RABGAP1: variants seen among roughly 807,000 people sequenced by gnomAD.
The protein encoded by RABGAP1 is rab GTPase-activating protein 1.
Under a neutral mutation model 137.6 loss-of-function variants are expected in RABGAP1, and 23 were observed. The observed-to-expected ratio is 0.17, with a 90% CI of 0.12 to 0.24. The LOEUF (loss-of-function observed/expected upper bound fraction) is 0.24. Among genes scored for constraint, RABGAP1 ranks in the 10% least tolerant of loss-of-function variants. The pLI is 1.00. For missense variants in RABGAP1, 906 were observed against 1,275.8 expected, an observed-to-expected ratio of 0.71 and a Z score of 4.42; for synonymous variants, 451 against 450.7, an observed-to-expected ratio of 1.00 and a Z score of -0.01.
chr9:122,998,082 A>T (rs943539075), intron 9 of RABGAP1, among the ~76,000 whole-genome samples: 3 of 151,484 alleles, frequency 2.0e-5, no homozygotes, highest in Non-Finnish European at 3.0e-5. Context: ...TTTTTGTTTT[A>T]TTTTTTTTAT....
At chr9:123,077,517 C>T (rs568694670) in intron 19 of RABGAP1, among the ~76,000 whole-genome samples, 1 of 152,206 alleles carries the variant, frequency 6.6e-6, no homozygotes, top group East Asian at 1.9e-4. Flanking sequence ...ATGAAGAAAA[C>T]TCAGTTTTAT....
intron 2 of RABGAP1, among the ~76,000 whole-genome samples, chr9:122,978,827 A>AT (rs1241208349): frequency 6.6e-6 from 1 of 152,086 alleles, no homozygotes; most frequent in Non-Finnish European, 1.5e-5. Context: ...GTCGCTCCTT[A>AT]TTCTTGCCAG....
At chr9:122,977,621 G>A (rs892921596) in intron 2 of RABGAP1, among the ~76,000 whole-genome samples, 2 of 152,096 alleles carry the variant, frequency 1.3e-5, no homozygotes, top group African/African-American at 2.4e-5. Flanking sequence ...CATGAGAATC[G>A]CTTGAACCCA....
chr9:123,048,376 AAAT>A (rs746292741), intron 13 of RABGAP1, among the ~76,000 whole-genome samples: 1 of 152,204 alleles, frequency 6.6e-6, no homozygotes, highest in Non-Finnish European at 1.5e-5. Flanking sequence ...ATTTTCTTGG[AAAT>A]AATCCATTGA....
chr9:122,999,625 T>C (rs1024338842), intron 10 of RABGAP1, among the ~76,000 whole-genome samples: 1 of 152,146 alleles, frequency 6.6e-6, no homozygotes, highest in Non-Finnish European at 1.5e-5. Context: ...TGTGACATGA[T>C]TAGGTACGGT....
chr9:122,941,725 T>C (rs1833580019), intron 1 of RABGAP1, among the ~76,000 whole-genome samples: 1 of 152,246 alleles, frequency 6.6e-6, no homozygotes, highest in African/African-American at 2.4e-5. Flanking sequence ...CTTTTGATTA[T>C]CCGCACCCTT....
intron 21 of RABGAP1, among the ~76,000 whole-genome samples, chr9:123,095,722 A>T (rs1007977348): frequency 2.6e-5 from 4 of 151,956 alleles, no homozygotes; most frequent in Non-Finnish European, 4.4e-5. Context: ...AAAAAAAAAA[A>T]TCAGAAATCT....
chr9:123,034,684 G>C (rs1181909315), intron 13 of RABGAP1: 1 of 1,612,804 alleles, frequency 6.2e-7, no homozygotes, highest in Admixed American at 1.7e-5. Context: ...CTTTCTAACT[G>C]TATTGATTAT....
At chr9:123,038,808 T>C (rs1009783325) in intron 13 of RABGAP1, among the ~76,000 whole-genome samples, 2 of 152,002 alleles carry the variant, frequency 1.3e-5, no homozygotes, top group African/African-American at 4.8e-5. Flanking sequence ...ACATTTCTTA[T>C]GGCTGTAAAC....
chr9:122,958,748 C>T (rs1046609379), intron 2 of RABGAP1, among the ~76,000 whole-genome samples: 12 of 152,062 alleles, frequency 7.9e-5, no homozygotes, highest in Non-Finnish European at 1.6e-4. Flanking sequence ...GTGGCTCACA[C>T]CTATAATCCC....
chr9:123,001,338 T>C (rs1837316599), intron 10 of RABGAP1, among the ~76,000 whole-genome samples: 2 of 152,250 alleles, frequency 1.3e-5, no homozygotes, highest in Admixed American at 6.5e-5. Flanking sequence ...TTGAATTGAT[T>C]TTATTTACAT....
intron 19 of RABGAP1, among the ~76,000 whole-genome samples, chr9:123,080,975 C>T (rs190684514): frequency 4.9e-4 from 74 of 152,236 alleles, no homozygotes; most frequent in Non-Finnish European, 7.8e-4. Flanking sequence ...ACCTCTGCCT[C>T]CTCCACTTCT....
chr9:122,979,361 A>G (rs545469774), intron 2 of RABGAP1, among the ~76,000 whole-genome samples: 6 of 152,252 alleles, frequency 3.9e-5, no homozygotes, highest in African/African-American at 1.4e-4. Flanking sequence ...AGAGTTCTCT[A>G]TATATTCTGG....
chr9:122,988,844 G>A (rs1384802564), intron 4 of RABGAP1, among the ~76,000 whole-genome samples: 3 of 151,680 alleles, frequency 2.0e-5, no homozygotes, highest in African/African-American at 4.8e-5. Flanking sequence ...TTGGGAGGCT[G>A]AGGCAGGAGA....
chr9:123,070,358 T>C lies in RABGAP1; in HGVS notation c.1917T>C (p.Ser639=). 3 of 1,614,036 alleles carry C rather than the reference T, an allele frequency of 1.9e-6. No homozygotes were observed. Among genetic ancestry groups the C allele is most frequent in the Non-Finnish European group, 1.7e-6 (2 of 1,179,960 alleles). The change falls in exon 15 of 26, where the codon TCT becomes TCC. Residue 639 remains serine (S), a synonymous_variant. Transcript: ENST00000373647. The surrounding 1 kb of genome is among the most constrained non-coding windows in gnomAD (Gnocchi z 4.4). The part of the protein sequence containing the change: ...DSLYKICKAY[S]VYDEEIGYCQ... ...TGTGTTTTATTTTCCAGGCTTATTC[T>C]GTGTATGATGAAGAGATTGGTTATT...
intron 13 of RABGAP1, among the ~76,000 whole-genome samples, chr9:123,045,583 A>G (rs1193017654): frequency 6.6e-6 from 1 of 152,238 alleles, no homozygotes; most frequent in East Asian, 1.9e-4. Context: ...TAATTAGGTA[A>G]TCTTAATCTG....
At chr9:123,099,250 A>G (rs551554314) in intron 23 of RABGAP1, among the ~76,000 whole-genome samples, 38 of 152,250 alleles carry the variant, frequency 2.5e-4, no homozygotes, top group African/African-American at 8.7e-4. Flanking sequence ...ACCATTGGCC[A>G]TTGAGTGTGG....
At chr9:123,012,132 T>G (rs1490684237) in intron 11 of RABGAP1, among the ~76,000 whole-genome samples, 2 of 152,202 alleles carry the variant, frequency 1.3e-5, no homozygotes, top group Non-Finnish European at 2.9e-5. Flanking sequence ...CATTTTGAAG[T>G]ATGGAAAAAG....
chr9:123,044,867 C>G (rs984008067), intron 13 of RABGAP1, among the ~76,000 whole-genome samples: 1 of 152,010 alleles, frequency 6.6e-6, no homozygotes, highest in African/African-American at 2.4e-5. Flanking sequence ...ACCCCAGACC[C>G]CCTCCTTGAA....
Sources: allele counts gnomAD v4.1 joint callset (sites outside exome capture counted in the v4.1 genomes callset), GRCh38; gene constraint gnomAD v4.1.1; non-coding constraint Gnocchi (gnomAD v3.1); transcripts MANE v1.5; gene names NCBI Gene and HGNC (gene_info 2026-07-23, HGNC 2026-07-21).